The following COL23A1 variants were observed in gnomAD, a reference collection of about 807,000 sequenced individuals.
The protein encoded by COL23A1 is collagen alpha-1(XXIII) chain.
COL23A1 carries 97 observed loss-of-function variants against 99.3 expected under a neutral mutation model. The ratio of observed to expected loss-of-function variants is 0.98; its 90% CI spans 0.83 to 1.16. The LOEUF (loss-of-function observed/expected upper bound fraction) is 1.16. Among genes scored for constraint, COL23A1 ranks in the 50% most tolerant of loss-of-function variants. The pLI, the probability that COL23A1 is intolerant of heterozygous loss-of-function variation, is 0.00. For missense variants in COL23A1, 762 were observed against 757.4 expected (o/e 1.01, Z -0.07); for synonymous variants, 320 against 308.2 (o/e 1.04, Z -0.40).
At chr5:178,312,873 G>T (rs1035044007) in intron 2 of COL23A1, among the ~76,000 whole-genome samples, 2 of 152,164 alleles carry the variant, frequency 1.3e-5, no homozygotes, top group East Asian at 3.8e-4. Context: ...TCTTCCTATA[G>T]ATCAGGGGAA....
intron 2 of COL23A1, among the ~76,000 whole-genome samples, chr5:178,418,026 G>A (rs1765405911): frequency 6.6e-6 from 1 of 152,246 alleles, no homozygotes. Flanking sequence ...CAGTGAGTGG[G>A]GCTGCAGAAG....
Position 178,268,728 on chromosome 5 carries a change from A to G in COL23A1, c.495+2T>C, listed in dbSNP as rs200266099. 113 of 1,603,174 alleles carry G rather than the reference A, an allele frequency of 7.0e-5. No homozygotes were observed. The highest frequency in any genetic ancestry group is 8.2e-5 in the Non-Finnish European group (96 of 1,173,326). On this transcript the variant is annotated splice_donor_variant, in intron 7 of 28. Transcript: ENST00000390654. LOFTEE classifies it high-confidence loss of function. Reference sequence around the variant, plus strand: ...ATCTGCACAGCCTCTGGCATCACTTACCTTTTCCCCTTTCGGGCCTGGAAG... The same window carrying G: ...ATCTGCACAGCCTCTGGCATCACTTGCCTTTTCCCCTTTCGGGCCTGGAAG...
intron 16 of COL23A1, among the ~76,000 whole-genome samples, chr5:178,254,279 A>ACCACG (rs1554126012): frequency 1.3e-4 from 16 of 126,262 alleles, no homozygotes; most frequent in African/African-American, 3.8e-4. Flanking sequence ...GCCACGCCAC[A>ACCACG]CCACGCCACG....
At chr5:178,523,201 T>TGTATATATATATAGAG (rs1554189087) in intron 2 of COL23A1, among the ~76,000 whole-genome samples, 62 of 77,616 alleles carry the variant, frequency 8.0e-4, no homozygotes, top group Non-Finnish European at 1.3e-3. Flanking sequence ...TATATATATA[T>TGTATATATATATAGAG]AGAGAGAGAG....
intron 2 of COL23A1, among the ~76,000 whole-genome samples, chr5:178,548,794 T>C (rs1256446592): frequency 1.3e-5 from 2 of 152,182 alleles, no homozygotes; most frequent in African/African-American, 4.8e-5. Context: ...TAAGGTGGCA[T>C]TTGCTTTCTA....
rs185667258 is a variant in COL23A1, at chr5:178,264,091, A to C, written c.523-767T>G. ...GTGATTGTAACTACAAAAGAACAGC[A>C]TGAGGGACCTTTGTGGGCTTACACA... is the stretch of plus-strand genomic sequence containing the variant. On this transcript the variant is annotated intron_variant, in intron 8 of 28. Coordinates refer to ENST00000390654, the MANE Select transcript of COL23A1 (RefSeq NM_173465.4). Among the ~76,000 whole-genome samples, 164 of 152,312 alleles carry C rather than the reference A, an allele frequency of 1.1e-3. 1 individual carries two copies. Among genetic ancestry groups the C allele is most frequent in the African/African-American group, 3.8e-3 (160 of 41,580 alleles).
In COL23A1 at chr5:178,255,932, T is replaced by TG; in HGVS notation, c.882+420dup. 1 of 256,578 alleles carries TG rather than the reference T, an allele frequency of 3.9e-6. No individual in the cohort carries two copies. The highest frequency in any genetic ancestry group is 3.4e-5 in the South Asian group (1 of 29,032). The allele number at this position is 256,578 out of a possible 1,614,324, so 15.9% of individuals were successfully genotyped here. A position where few individuals can be genotyped will look rare whatever the true frequency, so the allele number is the denominator to read the frequency against. On this transcript the variant is annotated intron_variant, in intron 15 of 28. Transcript: ENST00000390654. This position sits in a 1 kb window ranked among gnomAD's most constrained non-coding sequence, Gnocchi z 4.2. Reference sequence around the variant, plus strand: ...TGATAGGGGCTGGTCACAAAAGATCTGGGGCAGGCTGGGGTGCTGTGCTCC... The same window carrying TG: ...TGATAGGGGCTGGTCACAAAAGATCTGGGGGCAGGCTGGGGTGCTGTGCTCC...
At chr5:178,584,108 C>T (rs576412681) in intron 1 of COL23A1, among the ~76,000 whole-genome samples, 3 of 152,286 alleles carry the variant, frequency 2.0e-5, no homozygotes, top group East Asian at 1.9e-4. Flanking sequence ...CTCCGCCTGC[C>T]GGATTCAAGT....
chr5:178,519,257 T>A (rs375276372), intron 2 of COL23A1, among the ~76,000 whole-genome samples: 1 of 152,256 alleles, frequency 6.6e-6, no homozygotes, highest in East Asian at 1.9e-4. Context: ...GGGCAGAACG[T>A]TGTCAGCACA....
chr5:178,453,927 C>T (rs923205449), intron 2 of COL23A1, among the ~76,000 whole-genome samples: 1 of 152,120 alleles, frequency 6.6e-6, no homozygotes, highest in Non-Finnish European at 1.5e-5. Context: ...TTTTCAGGGC[C>T]TTTGGTCTAG....
intron 2 of COL23A1, among the ~76,000 whole-genome samples, chr5:178,530,527 A>G (rs1760587028): frequency 6.6e-6 from 1 of 152,180 alleles, no homozygotes. Context: ...ACTTGCTTCT[A>G]ATGAAGAGAA....
intron 2 of COL23A1, among the ~76,000 whole-genome samples, chr5:178,347,364 G>A (rs924205311): frequency 2.6e-5 from 4 of 152,050 alleles, no homozygotes; most frequent in Non-Finnish European, 4.4e-5. Context: ...GTCCCGAACA[G>A]GCGAATCCAG....
intron 1 of COL23A1, among the ~76,000 whole-genome samples, chr5:178,586,295 G>T (rs1764003016): frequency 6.6e-6 from 1 of 152,194 alleles, no homozygotes; most frequent in Non-Finnish European, 1.5e-5. Context: ...GCATACATGG[G>T]AGCTGTGACC....
At chr5:178,438,667 A>C (rs1449650675) in intron 2 of COL23A1, 2 of 152,192 alleles carry the variant, frequency 1.3e-5, no homozygotes, top group African/African-American at 4.8e-5. Flanking sequence ...ATTTTTTAGC[A>C]ACATGTACTA....
chr5:178,262,084 A>G (rs1765656023), intron 10 of COL23A1, 133 bp downstream of exon 10: 2 of 980,878 alleles, frequency 2.0e-6, no homozygotes, highest in Admixed American at 4.3e-5. Flanking sequence ...GCAGACACGT[A>G]CATGCAGAGG....
In COL23A1 at chr5:178,261,702, G is replaced by C; in HGVS notation, c.702+20C>G. On this transcript the variant is annotated intron_variant, in intron 11 of 28. Coordinates refer to ENST00000390654, the MANE Select transcript of COL23A1 (RefSeq NM_173465.4). ...TCCCACCAGATCTGGGGAGGGGCAT[G>C]GGGAATAAGGAGTACTCACCTTGGG... is the stretch of plus-strand genomic sequence containing the variant. 6.3e-7 allele frequency: 1 copy of C among 1,598,980 alleles called. No individual in the cohort carries two copies. Among genetic ancestry groups the C allele is most frequent in the Non-Finnish European group, 8.6e-7 (1 of 1,166,190 alleles).
chr5:178,422,825 T>C (rs74749720), intron 2 of COL23A1, among the ~76,000 whole-genome samples: 2,514 of 152,274 alleles, frequency 0.017, 70 homozygotes, highest in African/African-American at 0.056. Flanking sequence ...AATTACTGAG[T>C]ATAATTATAA....
intron 1 of COL23A1, among the ~76,000 whole-genome samples, chr5:178,564,321 G>C (rs1045216439): frequency 4.0e-5 from 6 of 151,876 alleles, no homozygotes; most frequent in African/African-American, 1.5e-4. Flanking sequence ...CCCACCTCCA[G>C]GCCCCTCACT....
At chr5:178,351,131 C>T (rs1761300279) in intron 2 of COL23A1, 1 of 152,318 alleles carries the variant, frequency 6.6e-6, no homozygotes, top group Admixed American at 6.5e-5. Flanking sequence ...CAGCAAGAGA[C>T]ACGGAGACGG....
Sources: allele counts gnomAD v4.1 joint callset (sites outside exome capture counted in the v4.1 genomes callset), GRCh38; gene constraint gnomAD v4.1.1; non-coding constraint Gnocchi (gnomAD v3.1); transcripts MANE v1.5; gene names NCBI Gene and HGNC (gene_info 2026-07-23, HGNC 2026-07-21).